Variants in TMEM178B observed in about 807,000 individuals in gnomAD.
The protein encoded by TMEM178B is transmembrane protein 178B.
Under a neutral mutation model 31.0 loss-of-function variants are expected in TMEM178B, and 5 were observed. That is an observed-to-expected ratio of 0.16 (90% confidence interval 0.08 to 0.34). TMEM178B has a LOEUF of 0.34. TMEM178B is among the 10% of genes least tolerant of loss of function. TMEM178B has a pLI of 1.00. For missense variants in TMEM178B, 275 were observed against 400.3 expected (o/e 0.69, Z 2.67); for synonymous variants, 164 against 164.0 (o/e 1.00, Z 0.00).
the TMEM178B span, among the ~76,000 whole-genome samples, chr7:141,504,203 T>C: frequency 6.6e-6 from 1 of 152,216 alleles, no homozygotes; most frequent in Non-Finnish European, 1.5e-5. Context: ...AAATTCCAAT[T>C]AAATGAACTG....
chr7:141,294,141 G>C (rs879354082), intron 2 of TMEM178B, among the ~76,000 whole-genome samples: 9 of 152,130 alleles, frequency 5.9e-5, no homozygotes, highest in Non-Finnish European at 7.3e-5. Flanking sequence ...TGTGGGTAAT[G>C]GTTCTTGCTC....
chr7:141,332,485 A>G (rs1168207366), intron 2 of TMEM178B, among the ~76,000 whole-genome samples: 2 of 152,174 alleles, frequency 1.3e-5, no homozygotes, highest in Admixed American at 6.5e-5. Flanking sequence ...CCATTCTTCC[A>G]TGAGCTTTTA....
In TMEM178B at chr7:141,159,951, A is replaced by T. The variant is rs979003180; in HGVS notation, c.383-52640A>T. Among the ~76,000 whole-genome samples, 7 of 150,582 alleles carry T rather than the reference A, an allele frequency of 4.6e-5. No individual in the cohort carries two copies. In the East Asian group the frequency reaches 9.7e-4, roughly 21 times the overall value. On this transcript the variant is annotated intron_variant, in intron 1 of 3. Coordinates refer to ENST00000565468, the MANE Select transcript of TMEM178B (RefSeq NM_001195278.2). ...TAAAATGGCTAAGGTGGTGAATTTT[A>T]AAAAAATTGTTCAATAATGGGGAAG... is the stretch of plus-strand genomic sequence containing the variant.
intron 3 of TMEM178B, among the ~76,000 whole-genome samples, chr7:141,457,350 C>T (rs1801983423): frequency 3.9e-5 from 6 of 152,174 alleles, no homozygotes; most frequent in African/African-American, 1.4e-4. Context: ...CTAATATACC[C>T]ACATATAAAG....
At chr7:141,094,652 C>T (rs1023970299) in intron 1 of TMEM178B, among the ~76,000 whole-genome samples, 17 of 152,164 alleles carry the variant, frequency 1.1e-4, no homozygotes, top group Non-Finnish European at 2.4e-4. Flanking sequence ...GACAGTGCAT[C>T]CTCAAACCTC....
At chr7:141,189,384 G>A (rs1214478925) in intron 1 of TMEM178B, among the ~76,000 whole-genome samples, 3 of 152,352 alleles carry the variant, frequency 2.0e-5, no homozygotes, top group African/African-American at 2.4e-5. Flanking sequence ...CCTGTGGGCC[G>A]ATGCTGGTGG....
chr7:141,404,824 T>G (rs1800852708), intron 2 of TMEM178B, among the ~76,000 whole-genome samples: 1 of 152,186 alleles, frequency 6.6e-6, no homozygotes, highest in South Asian at 2.1e-4. Flanking sequence ...TCTGAGACTG[T>G]CTGGCTGCTT....
intron 2 of TMEM178B, among the ~76,000 whole-genome samples, chr7:141,282,124 G>A (rs1798375502): frequency 1.3e-5 from 2 of 152,196 alleles, no homozygotes; most frequent in African/African-American, 4.8e-5. Flanking sequence ...GTCGAAAGAA[G>A]AGGTGTTTAG....
At chr7:141,148,560 C>A (rs1460903954) in intron 1 of TMEM178B, among the ~76,000 whole-genome samples, 1 of 152,192 alleles carries the variant, frequency 6.6e-6, no homozygotes, top group African/African-American at 2.4e-5. Context: ...GTGATTGTTC[C>A]TGTCAAATGC....
At chr7:141,146,328 C>T (rs1795849391) in intron 1 of TMEM178B, among the ~76,000 whole-genome samples, 2 of 152,178 alleles carry the variant, frequency 1.3e-5, no homozygotes, top group South Asian at 4.1e-4. Context: ...AGAAGACATC[C>T]AATCCCCAAC....
intron 1 of TMEM178B, among the ~76,000 whole-genome samples, chr7:141,114,783 C>T (rs192898485): frequency 1.5e-4 from 23 of 152,302 alleles, no homozygotes; most frequent in African/African-American, 3.8e-4. Context: ...TCTGCTTAAG[C>T]GGGGAATTCA....
At chr7:141,306,699 C>G (rs557474268) in intron 2 of TMEM178B, among the ~76,000 whole-genome samples, 2 of 151,304 alleles carry the variant, frequency 1.3e-5, no homozygotes, top group African/African-American at 4.9e-5. Context: ...CTAAAAGCCT[C>G]GTCTTTGCTG....
intron 2 of TMEM178B, among the ~76,000 whole-genome samples, chr7:141,397,457 C>G (rs1453676417): frequency 6.6e-6 from 1 of 152,204 alleles, no homozygotes; most frequent in Non-Finnish European, 1.5e-5. Flanking sequence ...AGCCACCAGC[C>G]TCCAACTTAG....
intron 1 of TMEM178B, among the ~76,000 whole-genome samples, chr7:141,123,026 A>G (rs1795434503): frequency 6.6e-6 from 1 of 152,236 alleles, no homozygotes; most frequent in Admixed American, 6.5e-5. Context: ...ACTCTGTGTT[A>G]TGCCTGACAT....
At chr7:141,190,661 T>C (rs1796682542) in intron 1 of TMEM178B, among the ~76,000 whole-genome samples, 1 of 152,184 alleles carries the variant, frequency 6.6e-6, no homozygotes, top group Non-Finnish European at 1.5e-5. Context: ...GTTGGTCGTA[T>C]GGGCACTTGA....
rs555514928 is a variant in TMEM178B, at chr7:141,392,061, G to GTT, written c.497-45537_497-45536dup. ...ATATACAGAGGAGTGGAATTCTATG[G>GTT]TTTTTTTTTTTGAGAAACTGCCATA... On this transcript the variant is annotated intron_variant, in intron 2 of 3. Coordinates refer to ENST00000565468, the MANE Select transcript of TMEM178B (RefSeq NM_001195278.2). Among the ~76,000 whole-genome samples the GTT allele has an allele frequency of 2.4e-3, 360 of 147,016 alleles. 4 individuals are homozygous for GTT. Among genetic ancestry groups the GTT allele is most frequent in the African/African-American group, 7.2e-3 (292 of 40,276 alleles).
chr7:141,441,824 T>C (rs1801664751), intron 3 of TMEM178B, among the ~76,000 whole-genome samples: 2 of 152,242 alleles, frequency 1.3e-5, no homozygotes, highest in Non-Finnish European at 2.9e-5. Context: ...AACTATTTCC[T>C]GGTCAAAGTA....
chr7:141,186,684 C>A (rs957493590), intron 1 of TMEM178B, among the ~76,000 whole-genome samples: 15 of 152,296 alleles, frequency 9.8e-5, no homozygotes, highest in Middle Eastern at 3.4e-3. Flanking sequence ...GCATGGGTGG[C>A]CAAGGCATGC....
At chr7:141,138,637 C>A (rs1241341319) in intron 1 of TMEM178B, among the ~76,000 whole-genome samples, 1 of 151,528 alleles carries the variant, frequency 6.6e-6, no homozygotes, top group African/African-American at 2.4e-5. Context: ...AAAAAAAAAA[C>A]CTGTTTCAAA....
Sources: gnomAD v4.1 joint callset for allele counts (sites outside exome capture counted in the v4.1 genomes callset) on GRCh38, gnomAD v4.1.1 for gene constraint, MANE v1.5 for transcripts, NCBI Gene and HGNC (gene_info 2026-07-23, HGNC 2026-07-21) for gene names.